DPP10: variants seen among roughly 807,000 people sequenced by gnomAD.
The protein encoded by DPP10 is dipeptidyl peptidase like 10, also known as inactive dipeptidyl peptidase 10.
In DPP10, 33 loss-of-function variants were observed where a neutral mutation model predicts 120.9. The observed-to-expected ratio is 0.27, with a 90% CI of 0.21 to 0.37. The LOEUF (loss-of-function observed/expected upper bound fraction) is 0.37, where lower values mean the gene tolerates loss of function less well. Among genes scored for constraint, DPP10 ranks in the 10% least tolerant of loss-of-function variants. The pLI, the probability that DPP10 is intolerant of heterozygous loss-of-function variation, is 1.00. For missense variants in DPP10, 816 were observed against 942.8 expected (o/e 0.87, Z 1.76); for synonymous variants, 337 against 326.1 (o/e 1.03, Z -0.36).
chr2:115,474,331 C>A (rs2074931094), intron 3 of DPP10, among the ~76,000 whole-genome samples: 1 of 152,126 alleles, frequency 6.6e-6, no homozygotes, highest in Admixed American at 6.5e-5. Flanking sequence ...GTCCTCTGTC[C>A]TCTTAGCCAG....
intron 5 of DPP10, among the ~76,000 whole-genome samples, chr2:115,594,504 C>T (rs1216915755): frequency 6.6e-6 from 1 of 152,030 alleles, no homozygotes; most frequent in Non-Finnish European, 1.5e-5. Context: ...TCTAATAGTC[C>T]AGTCCCATGC....
At chr2:115,841,970 A>T (rs1690196956) in intron 25 of DPP10, among the ~76,000 whole-genome samples, 1 of 152,242 alleles carries the variant, frequency 6.6e-6, no homozygotes, top group Non-Finnish European at 1.5e-5. Context: ...ATCTCAGTCA[A>T]CATAAACATG....
intron 1 of DPP10, among the ~76,000 whole-genome samples, chr2:114,808,251 T>C (rs1684901088): frequency 1.3e-5 from 2 of 152,206 alleles, no homozygotes. Context: ...TAATATACTA[T>C]AATTTAATTA....
chr2:115,183,319 G>GTGGAAT, intron 1 of DPP10, among the ~76,000 whole-genome samples: 1 of 152,216 alleles, frequency 6.6e-6, no homozygotes, highest in African/African-American at 2.4e-5. Context: ...GTTGTGACCT[G>GTGGAAT]TGGAATTTGG....
At position 115,560,403 on chromosome 2, in the gene DPP10, AATATATATATATATATATATATAT is replaced by A. The variant is rs70941075; in HGVS notation, c.441+34451_441+34474del. 2.7e-3 allele frequency among the ~76,000 whole-genome samples: 49 copies of A among 17,854 alleles called. 2 individuals are homozygous for A. The highest frequency in any genetic ancestry group is 0.01 in the South Asian group (2 of 194). The allele number at this position is 17,854 out of a possible 152,430, so 11.7% of individuals were successfully genotyped here. ...AAAAAAAAAAAAAAAAAAAAAAAAA[AATATATATATATATATATATATAT>A]ATATATATATATATATATACGACAA... is the stretch of plus-strand genomic sequence containing the variant. On this transcript the variant is annotated intron_variant, in intron 5 of 25. Transcript: ENST00000410059.
intron 5 of DPP10, among the ~76,000 whole-genome samples, chr2:115,541,643 T>C (rs2079176330): frequency 6.6e-6 from 1 of 151,900 alleles, no homozygotes. Flanking sequence ...GCTCATGATA[T>C]TAGCCATAAC....
At chr2:114,770,141 A>G (rs1681120364) in intron 1 of DPP10, among the ~76,000 whole-genome samples, 1 of 152,112 alleles carries the variant, frequency 6.6e-6, no homozygotes. Flanking sequence ...GAGTACCAAA[A>G]TACCCATGCA....
At chr2:115,071,565 C>A (rs953097794) in intron 1 of DPP10, among the ~76,000 whole-genome samples, 1 of 151,986 alleles carries the variant, frequency 6.6e-6, no homozygotes, top group Non-Finnish European at 1.5e-5. Flanking sequence ...TGTCTGGATT[C>A]GGTGATCAGG....
chr2:114,623,167 A>G (rs1312038002), intron 1 of DPP10, among the ~76,000 whole-genome samples: 2 of 152,130 alleles, frequency 1.3e-5, no homozygotes, highest in Admixed American at 6.6e-5. Flanking sequence ...AGGATGGTGC[A>G]GTGACATTTA....
intron 1 of DPP10, among the ~76,000 whole-genome samples, chr2:115,014,312 A>G (rs916176325): frequency 6.6e-6 from 1 of 152,208 alleles, no homozygotes; most frequent in African/African-American, 2.4e-5. Flanking sequence ...CAAAGACACA[A>G]TATAGCAGAA....
At chr2:115,706,990 A>G (rs1024148459) in intron 7 of DPP10, among the ~76,000 whole-genome samples, 4 of 151,932 alleles carry the variant, frequency 2.6e-5, no homozygotes, top group Non-Finnish European at 5.9e-5. Context: ...AAATAAAAAA[A>G]GACAGTACAA....
intron 4 of DPP10, among the ~76,000 whole-genome samples, chr2:115,516,064 G>A (rs906809600): frequency 7.2e-5 from 11 of 152,078 alleles, no homozygotes; most frequent in African/African-American, 2.4e-4. Flanking sequence ...ACAAGAAAAG[G>A]CTTTTGGATT....
rs577102045 is a variant in DPP10 at position 115,839,749 on chromosome 2, C to T, written c.2183-1001C>T. On this transcript the variant is annotated intron_variant, in intron 24 of 25. Transcript: ENST00000410059. Reference sequence around the variant, plus strand: ...GATACACAAACTACAGGAATGAACACCCTAGACAGAATGTGAGCCAACTTC... The same window carrying T: ...GATACACAAACTACAGGAATGAACATCCTAGACAGAATGTGAGCCAACTTC... Among the ~76,000 whole-genome samples, 134 of 151,432 alleles carry T rather than the reference C, an allele frequency of 8.8e-4. 1 individual carries two copies. Among genetic ancestry groups the T allele is most frequent in the African/African-American group, 3.0e-3 (122 of 41,212 alleles).
chr2:115,095,589 T>TTTG (rs1553486794), intron 1 of DPP10, among the ~76,000 whole-genome samples: 243 of 149,430 alleles, frequency 1.6e-3, no homozygotes, highest in African/African-American at 5.8e-3. Flanking sequence ...TTTTTTGTTT[T>TTTG]TTTTTTTTGA....
intron 1 of DPP10, among the ~76,000 whole-genome samples, chr2:114,877,880 G>A (rs914088498): frequency 6.6e-6 from 1 of 151,938 alleles, no homozygotes; most frequent in African/African-American, 2.4e-5. Flanking sequence ...GATGCTAGCA[G>A]CAGTGACCAA....
At chr2:115,799,801 A>G (rs1684972688) in intron 19 of DPP10, among the ~76,000 whole-genome samples, 1 of 151,828 alleles carries the variant, frequency 6.6e-6, no homozygotes, top group South Asian at 2.1e-4. Context: ...TCCATGGTGT[A>G]TATGTGCCAC....
chr2:115,508,255 C>T (rs745951618), intron 4 of DPP10, among the ~76,000 whole-genome samples: 2 of 151,922 alleles, frequency 1.3e-5, no homozygotes, highest in African/African-American at 2.4e-5. Flanking sequence ...ATTATATTGC[C>T]TATGATTATT....
intron 1 of DPP10, among the ~76,000 whole-genome samples, chr2:114,517,310 C>T (rs946248187): frequency 4.6e-5 from 7 of 152,132 alleles, no homozygotes; most frequent in African/African-American, 1.7e-4. Context: ...CACCTGATGT[C>T]AGGAGTTCGA....
At chr2:115,787,281 G>T (rs1683451387) in intron 17 of DPP10, among the ~76,000 whole-genome samples, 2 of 152,134 alleles carry the variant, frequency 1.3e-5, no homozygotes, top group Non-Finnish European at 2.9e-5. Flanking sequence ...AGAAAGATTA[G>T]TGAATAGAAA....
Sources: gnomAD v4.1 joint callset for allele counts (sites outside exome capture counted in the v4.1 genomes callset) on GRCh38, gnomAD v4.1.1 for gene constraint, MANE v1.5 for transcripts, NCBI Gene and HGNC (gene_info 2026-07-23, HGNC 2026-07-21) for gene names.